Variants in ACCSL observed in about 807,000 individuals in gnomAD.
The protein encoded by ACCSL is 1-aminocyclopropane-1-carboxylate synthase homolog (inactive) like.
In ACCSL, 55 loss-of-function variants were observed where a neutral mutation model predicts 61.7. The observed-to-expected ratio is 0.89, with a 90% confidence interval of 0.72 to 1.12. ACCSL has a LOEUF of 1.12. Ranked by LOEUF, ACCSL falls within the 50% of genes most tolerant of loss-of-function variation. ACCSL has a pLI of 0.00. For synonymous variants in ACCSL, 258 were observed against 264.3 expected, an observed-to-expected ratio of 0.98 and a Z score of 0.23; for missense variants, 632 against 698.0, an observed-to-expected ratio of 0.91 and a Z score of 1.07.
intron 6 of ACCSL, 77 bp from the exon 7 acceptor site, chr11:44,052,914 G>A (rs1952648637): frequency 6.6e-7 from 1 of 1,514,684 alleles, no homozygotes; most frequent in African/African-American, 1.4e-5. Context: ...GAAGGCAAAG[G>A]ATTGCGGGGC....
chr11:43,978,959 T>C, the ACCSL span, among the ~76,000 whole-genome samples: 1 of 152,120 alleles, frequency 6.6e-6, no homozygotes, highest in African/African-American at 2.4e-5. Flanking sequence ...TGGGGTTTTG[T>C]TGGGAAAGCC....
chr11:43,949,042 T>C, the ACCSL span, among the ~76,000 whole-genome samples: 1 of 152,220 alleles, frequency 6.6e-6, no homozygotes, highest in Non-Finnish European at 1.5e-5. Context: ...GCATGATTGA[T>C]GGACAACCAC....
chr11:43,995,558 C>G, the ACCSL span: 1 of 152,302 alleles, frequency 6.6e-6, no homozygotes, highest in African/African-American at 2.4e-5. Flanking sequence ...GAGAGTATGT[C>G]CTAGGGAACC....
upstream of ACCSL, among the ~76,000 whole-genome samples, chr11:44,045,451 A>AC (rs750675481): frequency 7.6e-4 from 114 of 149,798 alleles, no homozygotes; most frequent in South Asian, 1.7e-3. Context: ...AAAACAAACA[A>AC]CCCCCCCCAC....
rs75939660 is a variant in ACCSL, at chr11:44,056,044, C to G, written c.1144C>G (p.Pro382Ala). The G allele has an allele frequency of 1.2e-5, 19 of 1,614,212 alleles. No homozygotes were observed. The African/African-American group carries it at 2.5e-4, about 22-fold the overall frequency. The change falls in exon 10 of 14, where the codon CCT (proline) becomes GCT (alanine). Residue 382 changes from proline (P) to alanine (A), a missense_variant. Physicochemically the swap from Pro to Ala is conservative, Grantham distance 27. Transcript: ENST00000378832. ...ATTTTTCCACTTCTTCTTCAGTTTG[C>G]CTGATAGCAACAGGACCCATGTGAT... The part of the protein sequence containing the change: ...FHSILSMKSL[P>A]DSNRTHVIWG...
the ACCSL span, among the ~76,000 whole-genome samples, chr11:43,968,386 T>A: frequency 3.0e-5 from 4 of 132,354 alleles, no homozygotes; most frequent in Non-Finnish European, 4.7e-5. Flanking sequence ...CCGCAAGCAA[T>A]CTCTGTGCAC....
chr11:43,992,663 T>C, the ACCSL span, among the ~76,000 whole-genome samples: 1 of 152,232 alleles, frequency 6.6e-6, no homozygotes, highest in African/African-American at 2.4e-5. Flanking sequence ...TAGAGATTCA[T>C]GCGCCACTGG....
chr11:44,020,060 A>G, the ACCSL span, among the ~76,000 whole-genome samples: 2 of 152,230 alleles, frequency 1.3e-5, no homozygotes, highest in African/African-American at 2.4e-5. Context: ...TCAATTGACC[A>G]TAAATGTAAA....
the ACCSL span, among the ~76,000 whole-genome samples, chr11:43,927,326 A>G: frequency 2.0e-5 from 3 of 152,168 alleles, no homozygotes; most frequent in African/African-American, 7.2e-5. Context: ...TTGGTTTTGG[A>G]AATCACGAGA....
chr11:44,037,238 T>C, the ACCSL span, among the ~76,000 whole-genome samples: 1 of 152,182 alleles, frequency 6.6e-6, no homozygotes, highest in African/African-American at 2.4e-5. Flanking sequence ...CAGTCGTATT[T>C]GCCAATTCTG....
intron 1 of ACCSL, 48 bp from the exon 2 acceptor site, chr11:44,050,014 G>C (rs774295748): frequency 1.4e-5 from 22 of 1,613,184 alleles, no homozygotes; most frequent in Non-Finnish European, 1.9e-5. Flanking sequence ...GATCTATGTA[G>C]GGTGGAGCAA....
chr11:44,044,530 C>A (rs554932337), upstream of ACCSL, among the ~76,000 whole-genome samples: 4 of 152,206 alleles, frequency 2.6e-5, no homozygotes, highest in African/African-American at 9.6e-5. Context: ...CCCTTACATG[C>A]ACATGAAGAC....
At chr11:44,009,186 T>G in the ACCSL span, among the ~76,000 whole-genome samples, 1 of 151,510 alleles carries the variant, frequency 6.6e-6, no homozygotes. Context: ...CAAACAAAAT[T>G]TAATACAATG....
At chr11:43,999,719 CA>C in the ACCSL span, among the ~76,000 whole-genome samples, 1 of 152,084 alleles carries the variant, frequency 6.6e-6, no homozygotes, top group African/African-American at 2.4e-5. Flanking sequence ...GAATGAATAT[CA>C]GGGGGTGGGA....
the ACCSL span, among the ~76,000 whole-genome samples, chr11:43,921,722 T>C: frequency 1.3e-5 from 2 of 152,214 alleles, no homozygotes; most frequent in Non-Finnish European, 2.9e-5. Flanking sequence ...TCTTCACTTG[T>C]CACACCCATG....
chr11:44,004,588 C>T, the ACCSL span, among the ~76,000 whole-genome samples: 5 of 152,144 alleles, frequency 3.3e-5, no homozygotes, highest in Non-Finnish European at 5.9e-5. Flanking sequence ...CAGCCCCAGC[C>T]GCAGGCAGGA....
the ACCSL span, among the ~76,000 whole-genome samples, chr11:44,000,719 C>A: frequency 1.4e-5 from 1 of 74,040 alleles, no homozygotes; most frequent in African/African-American, 4.4e-5. Context: ...TGAGATTCTG[C>A]CTCAAAAAAG....
the ACCSL span, among the ~76,000 whole-genome samples, chr11:43,957,813 G>C: frequency 1.1e-4 from 16 of 152,264 alleles, no homozygotes; most frequent in African/African-American, 3.9e-4. Flanking sequence ...CCAAAGGGAG[G>C]GGGTGTAACA....
the ACCSL span, among the ~76,000 whole-genome samples, chr11:43,937,098 G>T: frequency 0.15 from 22,502 of 152,148 alleles, 1,982 homozygotes; most frequent in Middle Eastern, 0.29. Context: ...TTGGGGTCCA[G>T]AGGAGCTGTG....
Sources: gnomAD v4.1 joint callset for allele counts (sites outside exome capture counted in the v4.1 genomes callset) on GRCh38, gnomAD v4.1.1 for gene constraint, MANE v1.5 for transcripts, NCBI Gene and HGNC (gene_info 2026-07-23, HGNC 2026-07-21) for gene names.